Variants in MARCHF5 observed in about 807,000 individuals in gnomAD.
The protein encoded by MARCHF5 is membrane associated ring-CH-type finger 5, also known as E3 ubiquitin-protein ligase MARCHF5.
Under a neutral mutation model 36.5 loss-of-function variants are expected in MARCHF5, and 5 were observed. That is an observed-to-expected ratio of 0.14 (90% CI 0.07 to 0.29). The LOEUF (loss-of-function observed/expected upper bound fraction) is 0.29, where lower values mean the gene tolerates loss of function less well. Ranked by LOEUF, MARCHF5 falls within the 10% of genes least tolerant of loss-of-function variation. MARCHF5 has a pLI of 1.00. For missense variants in MARCHF5, 179 were observed against 336.3 expected, an observed-to-expected ratio of 0.53 and a Z score of 3.66; for synonymous variants, 103 against 109.9, an observed-to-expected ratio of 0.94 and a Z score of 0.39.
intron 1 of MARCHF5, 63 bp from the exon 2 acceptor site, chr10:92,311,072 C>A: frequency 8.4e-7 from 1 of 1,188,398 alleles, no homozygotes; most frequent in South Asian, 1.3e-5. Context: ...GTAAGAGCTG[C>A]AGTATAGAGG....
At chr10:92,314,032 A>AAAAAAG (rs768107871) in intron 2 of MARCHF5, among the ~76,000 whole-genome samples, 4 of 152,078 alleles carry the variant, frequency 2.6e-5, no homozygotes, top group South Asian at 2.1e-4. Context: ...GTCTCTCTAC[A>AAAAAAG]AAAAAGAAAA....
intron 1 of MARCHF5, among the ~76,000 whole-genome samples, chr10:92,303,729 TATTA>T (rs944711174): frequency 1.3e-5 from 2 of 152,228 alleles, no homozygotes; most frequent in African/African-American, 4.8e-5. Flanking sequence ...GTTTACTCTT[TATTA>T]GTTTACTATA....
At chr10:92,331,694 C>G (rs1843437511) in intron 2 of MARCHF5, among the ~76,000 whole-genome samples, 1 of 151,314 alleles carries the variant, frequency 6.6e-6, no homozygotes. Flanking sequence ...ATTCTGTAGC[C>G]TATTATTTTA....
chr10:92,348,834 G>A (rs969027364), intron 3 of MARCHF5, among the ~76,000 whole-genome samples: 1 of 152,130 alleles, frequency 6.6e-6, no homozygotes, highest in Non-Finnish European at 1.5e-5. Flanking sequence ...TAGCCAGCCA[G>A]AGACATCACA....
Position 92,307,217 on chromosome 10 carries a change from G to A in MARCHF5, c.36-3918G>A, listed in dbSNP as rs937989219. Among the ~76,000 whole-genome samples, 339 of 148,258 alleles carry A rather than the reference G, an allele frequency of 2.3e-3. 2 individuals are homozygous for A. Among genetic ancestry groups the A allele is most frequent in the African/African-American group, 7.9e-3 (318 of 40,294 alleles). On this transcript the variant is annotated intron_variant, in intron 1 of 5. Transcript: ENST00000358935. ...TGTGTGTGTGTGTGTGTGTGTGCGC[G>A]TGCATGCACGCACGTGCCCTCCCCT... is the stretch of plus-strand genomic sequence containing the variant.
At chr10:92,343,575 G>GT (rs1038906308) in intron 3 of MARCHF5, among the ~76,000 whole-genome samples, 1 of 151,922 alleles carries the variant, frequency 6.6e-6, no homozygotes, top group Non-Finnish European at 1.5e-5. Flanking sequence ...TTTGTTTTTT[G>GT]TTTTTTTGTT....
intron 2 of MARCHF5, among the ~76,000 whole-genome samples, chr10:92,332,478 G>A (rs1373487939): frequency 6.6e-6 from 1 of 150,726 alleles, no homozygotes; most frequent in African/African-American, 2.4e-5. Context: ...TAGAGAAAGA[G>A]GTAAAACTCT....
intron 2 of MARCHF5, among the ~76,000 whole-genome samples, chr10:92,331,829 T>A (rs1193708232): frequency 6.7e-6 from 1 of 148,730 alleles, no homozygotes; most frequent in Non-Finnish European, 1.5e-5. Flanking sequence ...TATATAACTA[T>A]GTACCATATA....
At chr10:92,304,687 A>G (rs1018212886) in intron 1 of MARCHF5, among the ~76,000 whole-genome samples, 9 of 152,198 alleles carry the variant, frequency 5.9e-5, no homozygotes, top group African/African-American at 1.9e-4. Context: ...TGTGCTGCTA[A>G]TATTACTGTG....
At chr10:92,326,182 T>C (rs1843355711) in intron 2 of MARCHF5, among the ~76,000 whole-genome samples, 1 of 152,188 alleles carries the variant, frequency 6.6e-6, no homozygotes, top group African/African-American at 2.4e-5. Flanking sequence ...AAATTAATAG[T>C]TGTAACTATT....
chr10:92,331,354 G>A (rs1165569256), intron 2 of MARCHF5, among the ~76,000 whole-genome samples: 2 of 151,620 alleles, frequency 1.3e-5, no homozygotes, highest in Non-Finnish European at 2.9e-5. Flanking sequence ...TCAAGTTTAG[G>A]TCAAGATTCA....
At chr10:92,295,261 T>C (rs1842933742) in intron 1 of MARCHF5, among the ~76,000 whole-genome samples, 1 of 150,092 alleles carries the variant, frequency 6.7e-6, no homozygotes, top group South Asian at 2.1e-4. Flanking sequence ...ATGAATGGTA[T>C]GTTCAATTTA....
rs535854919 is a variant in MARCHF5, at chr10:92,311,681, G to A, written c.238+344G>A. 9.7e-4 allele frequency among the ~76,000 whole-genome samples: 147 copies of A among 152,288 alleles called. 2 individuals are homozygous for A. The South Asian group carries it at 0.029, about 30-fold the overall frequency. ...CTTAGCTTAATTATCTGGAGACGGT[G>A]TAAGAGAAAGAAAGCAGTAGTATGT... is the stretch of plus-strand genomic sequence containing the variant. On this transcript the variant is annotated intron_variant, in intron 2 of 5. Coordinates refer to ENST00000358935, the MANE Select transcript of MARCHF5 (RefSeq NM_017824.5).
At chr10:92,308,267 G>A (rs1199232772) in intron 1 of MARCHF5, among the ~76,000 whole-genome samples, 3 of 152,080 alleles carry the variant, frequency 2.0e-5, no homozygotes, top group African/African-American at 2.4e-5. Context: ...AGATCATATA[G>A]GGTAACTTCG....
chr10:92,291,688 G>C (rs999494516), intron 1 of MARCHF5, 159 bp downstream of exon 1: 2 of 693,248 alleles, frequency 2.9e-6, no homozygotes, highest in African/African-American at 3.9e-5. Context: ...GTCTAGACCT[G>C]GGGGAGGACA....
intron 2 of MARCHF5, among the ~76,000 whole-genome samples, chr10:92,333,928 G>A (rs11186925): frequency 0.019 from 2,865 of 152,222 alleles, 101 homozygotes; most frequent in African/African-American, 0.063. Flanking sequence ...AGTGCCTCAC[G>A]CCTGTAATCC....
intron 2 of MARCHF5, among the ~76,000 whole-genome samples, chr10:92,314,757 C>CCCCCCG (rs1564946327): frequency 6.5e-5 from 8 of 122,338 alleles, no homozygotes; most frequent in African/African-American, 1.8e-4. Context: ...CGCCCCCCCC[C>CCCCCCG]GCCAATAGAG....
intron 1 of MARCHF5, among the ~76,000 whole-genome samples, chr10:92,305,393 C>T (rs991971485): frequency 2.7e-5 from 4 of 149,708 alleles, no homozygotes; most frequent in East Asian, 2.0e-4. Context: ...GACAACAGAG[C>T]GAGACTCCGT....
chr10:92,345,841 C>T (rs1220589644), intron 3 of MARCHF5, among the ~76,000 whole-genome samples: 2 of 151,798 alleles, frequency 1.3e-5, no homozygotes, highest in African/African-American at 4.8e-5. Flanking sequence ...ACTACATACA[C>T]ATGCCACCAC....
Sources: gnomAD v4.1 joint callset for allele counts (sites outside exome capture counted in the v4.1 genomes callset) on GRCh38, gnomAD v4.1.1 for gene constraint, MANE v1.5 for transcripts, NCBI Gene and HGNC (gene_info 2026-07-23, HGNC 2026-07-21) for gene names.